Variants in ATP6V1E1 observed in about 807,000 individuals in gnomAD.
The protein encoded by ATP6V1E1 is ATPase H+ transporting V1 subunit E1.
ATP6V1E1 carries 21 observed loss-of-function variants against 35.2 expected under a neutral mutation model. The ratio of observed to expected loss-of-function variants is 0.60; its 90% CI spans 0.42 to 0.86. The LOEUF (loss-of-function observed/expected upper bound fraction) is 0.86, where lower values mean the gene tolerates loss of function less well. Among genes scored for constraint, ATP6V1E1 ranks in the 40% least tolerant of loss-of-function variants. The pLI is 0.00. For synonymous variants in ATP6V1E1, 83 were observed against 87.8 expected, an observed-to-expected ratio of 0.95 and a Z score of 0.30; for missense variants, 183 against 272.6, an observed-to-expected ratio of 0.67 and a Z score of 2.32.
At chr22:17,605,442 A>C (rs1461202662) in intron 4 of ATP6V1E1, among the ~76,000 whole-genome samples, 1 of 152,010 alleles carries the variant, frequency 6.6e-6, no homozygotes, top group Non-Finnish European at 1.5e-5. Context: ...AGGCAGGAGA[A>C]TCACTTGAAC....
At position 17,628,653 on chromosome 22, in the gene ATP6V1E1, G is replaced by A. The variant is rs1194254996; in HGVS notation, c.-18C>T. 8 of 1,614,060 alleles carry A rather than the reference G, an allele frequency of 5.0e-6. No individual in the cohort carries two copies. The highest frequency in any genetic ancestry group is 1.3e-5 in the African/African-American group (1 of 74,946). On this transcript the variant is annotated 5_prime_UTR_variant, in exon 1 of 9. Transcript: ENST00000253413. ...AGAGCCATGGCGAGAGCAATGCTAG[G>A]CCGGTGAACAGTAGGCTCGAGTTTA...
Position 17,594,534 on chromosome 22 carries a change from G to A in ATP6V1E1, c.613C>T (p.Gln205Ter). The A allele has an allele frequency of 6.3e-7, 1 of 1,583,828 alleles. No homozygotes were observed. The highest frequency in any genetic ancestry group is 8.6e-7 in the Non-Finnish European group (1 of 1,165,114). Residue 205 changes from glutamine to a stop codon, truncating the protein, a stop_gained, in exon 8 of 9, where the codon CAG (glutamine) becomes TAG (stop). Coordinates refer to ENST00000253413, the MANE Select transcript of ATP6V1E1 (RefSeq NM_001696.4). LOFTEE classifies it high-confidence loss of function. ...AGAAGTACCCCCACACTCACCTGCT[G>A]GGCTATGAGATCCAGCCGGCTTTCC... ...TLESRLDLIA[Q>*]QMMPEVRGAL...
rs368614063 is a variant in ATP6V1E1, at chr22:17,619,529, A to G, written c.34-3T>C. 73 of 1,575,094 alleles carry G rather than the reference A, an allele frequency of 4.6e-5. No homozygotes were observed. The highest frequency in any genetic ancestry group is 5.2e-5 in the Non-Finnish European group (60 of 1,164,810). ...ATGAAAGCCATCATATGCTTTATCT[A>G]TAAGGAAAAAAAGTTTTATTTTTTA... On this transcript the variant is annotated splice_polypyrimidine_tract_variant and splice_region_variant and intron_variant, in intron 1 of 8. Transcript: ENST00000253413.
chr22:17,601,005 A>C, intron 5 of ATP6V1E1, 87 bp downstream of exon 5: 1 of 1,091,310 alleles, frequency 9.2e-7, no homozygotes. Context: ...ATGAGAAAGC[A>C]GGAAAAAATA....
intron 8 of ATP6V1E1, among the ~76,000 whole-genome samples, chr22:17,593,808 A>G (rs57946254): frequency 1.5e-3 from 229 of 152,346 alleles, no homozygotes; most frequent in African/African-American, 5.4e-3. Context: ...GATGCCCAGC[A>G]TTTTAGAACA....
intron 4 of ATP6V1E1, among the ~76,000 whole-genome samples, chr22:17,612,057 C>T (rs2057818223): frequency 6.6e-6 from 1 of 152,172 alleles, no homozygotes; most frequent in Non-Finnish European, 1.5e-5. Context: ...GTGTTTGTAG[C>T]CAGTCACATT....
chr22:17,598,145 A>G (rs769897984), intron 7 of ATP6V1E1, 49 bp downstream of exon 7: 2 of 1,425,254 alleles, frequency 1.4e-6, no homozygotes, highest in East Asian at 2.3e-5. Flanking sequence ...TATAAAGGCC[A>G]CTCTCCCAGG....
Position 17,610,942 on chromosome 22 carries a change from A to G in ATP6V1E1, c.276+1870T>C, listed in dbSNP as rs182426387. On this transcript the variant is annotated intron_variant, in intron 4 of 8. Transcript: ENST00000253413. The stretch of plus-strand genomic sequence containing the variant: ...AAATGTGTTCTCTCATTCGATTCTC[A>G]TAAGCACTCTGAACCAAACATCATA... 2.4e-3 allele frequency among the ~76,000 whole-genome samples: 371 copies of G among 152,346 alleles called. 1 individual carries two copies. The highest frequency in any genetic ancestry group is 8.5e-3 in the African/African-American group (352 of 41,590).
At chr22:17,599,064 A>G (rs5992074) in intron 6 of ATP6V1E1, among the ~76,000 whole-genome samples, 41,726 of 152,040 alleles carry the variant, frequency 0.27, 6,603 homozygotes, top group African/African-American at 0.44. Context: ...AGTCACAAAA[A>G]GACAAATACT....
intron 6 of ATP6V1E1, among the ~76,000 whole-genome samples, chr22:17,598,750 A>G (rs1050261116): frequency 2.0e-5 from 3 of 152,324 alleles, no homozygotes; most frequent in African/African-American, 7.2e-5. Context: ...GTTCTTATCA[A>G]AGTAACAGTA....
intron 4 of ATP6V1E1, among the ~76,000 whole-genome samples, chr22:17,611,765 G>A (rs1453976965): frequency 2.0e-5 from 3 of 152,182 alleles, no homozygotes; most frequent in Admixed American, 1.3e-4. Context: ...AAGTCTTCCT[G>A]TAAAATCCAT....
intron 4 of ATP6V1E1, among the ~76,000 whole-genome samples, chr22:17,607,393 C>A (rs528663667): frequency 2.1e-4 from 32 of 152,136 alleles, no homozygotes; most frequent in Admixed American, 1.2e-3. Context: ...CCTGACCTCA[C>A]GATCTGCCTG....
intron 7 of ATP6V1E1, chr22:17,594,935 A>C (rs1161912638): frequency 5.9e-6 from 1 of 170,900 alleles, no homozygotes; most frequent in Admixed American, 6.3e-5. Flanking sequence ...GTTATACCGT[A>C]GTGTTTAGGG....
At chr22:17,628,017 C>T (rs1164200118) in intron 1 of ATP6V1E1, among the ~76,000 whole-genome samples, 1 of 149,206 alleles carries the variant, frequency 6.7e-6, no homozygotes, top group Non-Finnish European at 1.5e-5. Context: ...GGGAGTCTCG[C>T]CCTGTCGCCC....
At chr22:17,612,577 G>A (rs904281701) in intron 4 of ATP6V1E1, 12 of 436,856 alleles carry the variant, frequency 2.7e-5, no homozygotes, top group South Asian at 2.1e-4. Flanking sequence ...ACTACTGTGC[G>A]GTCCACCCAT....
chr22:17,616,875 C>T lies in ATP6V1E1; in HGVS notation c.99+2586G>A, dbSNP rs1311852741. On this transcript the variant is annotated intron_variant, in intron 2 of 8. Coordinates refer to ENST00000253413, the MANE Select transcript of ATP6V1E1 (RefSeq NM_001696.4). ...CATCCCGGCTAAAACGGTGAAACCC[C>T]GTCTCTACTAAAAATACAAAAAATT... is the stretch of plus-strand genomic sequence containing the variant. 4.4e-5 allele frequency among the ~76,000 whole-genome samples: 4 copies of T among 90,498 alleles called. 2 individuals carry two copies. The highest frequency in any genetic ancestry group is 0.011 in the Middle Eastern group (2 of 184). 59.4% of individuals were successfully genotyped at this position (90,498 alleles called of 152,430 possible). A position where few individuals can be genotyped will look rare whatever the true frequency, so the allele number is the denominator to read the frequency against.
In ATP6V1E1 at chr22:17,619,316, G is replaced by T; in HGVS notation, c.99+145C>A. The stretch of plus-strand genomic sequence containing the variant: ...TCCAAAAAAAAAAAAATGAAGGAAG[G>T]AAGGAGGGGAAGGAGGGAAGGAAGA... On this transcript the variant is annotated intron_variant, in intron 2 of 8. Transcript: ENST00000253413. 6.7e-6 allele frequency: 5 copies of T among 745,716 alleles called. No homozygotes were observed. In the South Asian group the frequency reaches 8.4e-5, roughly 13 times the overall value. 46.2% of individuals were successfully genotyped at this position (745,716 alleles called of 1,614,324 possible). A position where few individuals can be genotyped will look rare whatever the true frequency, so the allele number is the denominator to read the frequency against.
chr22:17,594,656 A>T, intron 7 of ATP6V1E1, 40 bp from the exon 8 acceptor site: 1 of 1,486,606 alleles, frequency 6.7e-7, no homozygotes, highest in East Asian at 2.4e-5. Context: ...ATTTTCAAAG[A>T]CTTGAGAAAG....
intron 6 of ATP6V1E1, among the ~76,000 whole-genome samples, chr22:17,599,506 G>A (rs1007591263): frequency 6.7e-6 from 1 of 149,314 alleles, no homozygotes; most frequent in Non-Finnish European, 1.5e-5. Flanking sequence ...AACCCGGGGG[G>A]GCAGAGGTTG....
Sources: gnomAD v4.1 joint callset for allele counts (sites outside exome capture counted in the v4.1 genomes callset) on GRCh38, gnomAD v4.1.1 for gene constraint, MANE v1.5 for transcripts, NCBI Gene and HGNC (gene_info 2026-07-23, HGNC 2026-07-21) for gene names.